Variants in CEP250 observed in about 807,000 individuals in gnomAD.
The protein encoded by CEP250 is centrosomal protein 250.
CEP250 carries 242 observed loss-of-function variants against 315.7 expected under a neutral mutation model. The observed-to-expected ratio is 0.77, with a 90% CI of 0.69 to 0.85. CEP250 has a LOEUF of 0.85. CEP250 is among the 40% of genes least tolerant of loss of function. The pLI is 0.00. For missense variants in CEP250, 2,515 were observed against 2,886.4 expected, an observed-to-expected ratio of 0.87 and a Z score of 2.95; for synonymous variants, 1,088 against 1,175.0, an observed-to-expected ratio of 0.93 and a Z score of 1.51.
At position 35,504,977 on chromosome 20, in the gene CEP250, A is replaced by C; in HGVS notation, c.6608A>C (p.Glu2203Ala). ...ATGTTCCTACAAGCCTCTGTCCTGG[A>C]GCGGGACTCAGAACAGCAAAGGCTG... ...VAMFLQASVL[E>A]RDSEQQRLQD... Residue 2203 changes from glutamate to alanine, a missense_variant, in exon 30 of 35, where the codon GAG becomes GCG. Physicochemically the swap from Glu to Ala is moderately radical, Grantham distance 107 (BLOSUM62 -1). Transcript: ENST00000397527. 1.2e-6 allele frequency: 2 copies of C among 1,611,340 alleles called. No homozygotes were observed. The highest frequency in any genetic ancestry group is 1.1e-5 in the South Asian group (1 of 90,970).
Position 35,504,136 on chromosome 20 carries a change from G to A in CEP250, c.5767G>A (p.Ala1923Thr). The A allele has an allele frequency of 6.2e-7, 1 of 1,614,016 alleles. No individual in the cohort carries two copies. The highest frequency in any genetic ancestry group is 8.5e-7 in the Non-Finnish European group (1 of 1,179,950). ...ACAGGAGCATGAGGTGGAGACCAGGGCCCTGCAGGACAGCTGGCTGCAGGC... is the reference window on the plus strand; with the variant it reads ...ACAGGAGCATGAGGTGGAGACCAGGACCCTGCAGGACAGCTGGCTGCAGGC... ...QAQEHEVETRALQDSWLQAQA... is the reference protein window; with the variant it reads ...QAQEHEVETRTLQDSWLQAQA... Residue 1923 changes from alanine (A) to threonine (T), a missense_variant, in exon 30 of 35, where the codon GCC becomes ACC. By Grantham distance (58) the Ala-to-Thr change is moderately conservative. Coordinates refer to ENST00000397527, the MANE Select transcript of CEP250 (RefSeq NM_007186.6).
chr20:35,481,588 A>G (rs1234674950), intron 20 of CEP250, among the ~76,000 whole-genome samples: 1 of 144,346 alleles, frequency 6.9e-6, no homozygotes, highest in Admixed American at 6.9e-5. Context: ...TGTTCACCAT[A>G]CCTTCTTGCA....
chr20:35,507,406 C>T (rs1213978614), intron 30 of CEP250, among the ~76,000 whole-genome samples: 1 of 152,150 alleles, frequency 6.6e-6, no homozygotes, highest in Non-Finnish European at 1.5e-5. Flanking sequence ...CCACAGGGCA[C>T]CCAGCCCTGT....
intron 20 of CEP250, among the ~76,000 whole-genome samples, chr20:35,489,013 A>G (rs986642505): frequency 6.6e-6 from 1 of 151,896 alleles, no homozygotes. Context: ...TGGTGAAACC[A>G]TGTCTCTACT....
At chr20:35,460,266 T>A in intron 3 of CEP250, among the ~76,000 whole-genome samples, 161 bp downstream of exon 3, 1 of 152,226 alleles carries the variant, frequency 6.6e-6, no homozygotes, top group South Asian at 2.1e-4. Context: ...TTTATGCACT[T>A]TCCTTACTGC....
rs572008287 is a variant in CEP250, at chr20:35,460,851, C to T, written c.-104+746C>T. Among the ~76,000 whole-genome samples the T allele has an allele frequency of 2.6e-5, 4 of 152,348 alleles. No individual in the cohort carries two copies. In the East Asian group the frequency reaches 7.7e-4, roughly 29 times the overall value. On this transcript the variant is annotated intron_variant, in intron 3 of 34. Transcript: ENST00000397527. ...AGTGAGGCTCACATGCATTTCTTCA[C>T]TGGACATTGTTGACAAGTTACAATT...
chr20:35,481,742 G>A (rs905545471), intron 20 of CEP250, among the ~76,000 whole-genome samples: 6 of 151,280 alleles, frequency 4.0e-5, no homozygotes, highest in South Asian at 2.1e-4. Context: ...TCACTCTGTC[G>A]CCTAGACTGG....
intron 20 of CEP250, among the ~76,000 whole-genome samples, chr20:35,488,792 A>G (rs1396426232): frequency 2.0e-5 from 3 of 152,278 alleles, no homozygotes; most frequent in African/African-American, 2.4e-5. Flanking sequence ...TGGTCTGGGA[A>G]GGCTTCACCA....
At chr20:35,473,824 T>G in intron 13 of CEP250, 46 bp from the exon 14 acceptor site, 1 of 1,524,702 alleles carries the variant, frequency 6.6e-7, no homozygotes, top group Non-Finnish European at 8.8e-7. Context: ...CCAGAAAGAA[T>G]TTTAGGTCCT....
rs764980962 is a variant in CEP250, at chr20:35,491,286, T to C, written c.2829T>C (p.Asp943=). Residue 943 remains aspartate, a synonymous_variant, in exon 22 of 35, where the codon GAT becomes GAC. Coordinates refer to ENST00000397527, the MANE Select transcript of CEP250 (RefSeq NM_007186.6). ...TLLQTQKELA[D]ASQQLERLRQ... is the part of the protein sequence containing the mutation. ...TGCAGACGCAGAAGGAGCTAGCAGA[T>C]GCCAGCCAACAACTGGAACGACTGA... The C allele has an allele frequency of 6.2e-5, 100 of 1,605,538 alleles. No homozygotes were observed. Among genetic ancestry groups the C allele is most frequent in the Non-Finnish European group, 8.1e-5 (95 of 1,175,734 alleles).
At position 35,479,962 on chromosome 20, in the gene CEP250, C is replaced by G; in HGVS notation, c.2417-14C>G. 1.9e-6 allele frequency: 3 copies of G among 1,612,724 alleles called. No individual in the cohort carries two copies. The highest frequency in any genetic ancestry group is 1.7e-4 in the Middle Eastern group (1 of 5,854). On this transcript the variant is annotated splice_polypyrimidine_tract_variant and intron_variant, in intron 19 of 34. Transcript: ENST00000397527. The stretch of plus-strand genomic sequence containing the variant: ...GGAGGGGGCGGAGGCCTGATCCTGT[C>G]CCTGGCATGTTAGGGGAAGTGAGGT...
Position 35,504,393 on chromosome 20 carries a change from C to A in CEP250, c.6024C>A (p.Cys2008Ter), listed in dbSNP as rs747299950. ...CCCTGCAAGCCTCCCTGGATGCCTG[C>A]CAGGCACACAGTCGGCAGCTGGAGG... ...TATLQASLDA[C>*]QAHSRQLEEA... Residue 2008 changes from cysteine (C) to a stop codon, truncating the protein, a stop_gained, in exon 30 of 35, where the codon TGC becomes TGA. Transcript: ENST00000397527. LOFTEE classifies it high-confidence loss of function. 1.9e-6 allele frequency: 3 copies of A among 1,603,696 alleles called. No individual in the cohort carries two copies. The South Asian group carries it at 3.4e-5, about 18-fold the overall frequency.
intron 9 of CEP250, among the ~76,000 whole-genome samples, chr20:35,468,689 T>G (rs2062951595): frequency 6.6e-6 from 1 of 152,176 alleles, no homozygotes; most frequent in South Asian, 2.1e-4. Context: ...GTTTCTTTGT[T>G]TTTTGAGACA....
intron 10 of CEP250, 66 bp downstream of exon 10, chr20:35,470,052 C>T (rs753270421): frequency 1.0e-6 from 1 of 1,000,222 alleles, no homozygotes; most frequent in Non-Finnish European, 1.6e-6. Context: ...GCTTTATGGA[C>T]AGATAGTGCA....
chr20:35,491,321 T>A lies in CEP250; in HGVS notation c.2864T>A (p.Met955Lys), dbSNP rs1397101801. 1 of 1,596,830 alleles carries A rather than the reference T, an allele frequency of 6.3e-7. No homozygotes were observed. Among genetic ancestry groups the A allele is most frequent in the South Asian group, 1.1e-5 (1 of 88,430 alleles). The change falls in exon 22 of 35, where the codon ATG (methionine) becomes AAG (lysine). Residue 955 changes from methionine (M) to lysine (K), a missense_variant. Transcript: ENST00000397527. ...SQQLERLRQD[M>K]KVQKLKEQET... ...CAACTGGAACGACTGAGGCAGGACA[T>A]GAAAGTCCAGAAATTAAAGGAGCAG...
rs1193382455 is a variant in CEP250, at chr20:35,463,649, C to A, written c.243+18C>A. ...CCACTGGAGTGAGTGAGGCTGAGCT[C>A]TCTGCACCCCCTGGGTCCTCAGTGA... On this transcript the variant is annotated intron_variant, in intron 5 of 34. Coordinates refer to ENST00000397527, the MANE Select transcript of CEP250 (RefSeq NM_007186.6). 2 of 1,595,720 alleles carry A rather than the reference C, an allele frequency of 1.3e-6. No individual in the cohort carries two copies. Among genetic ancestry groups the A allele is most frequent in the African/African-American group, 1.4e-5 (1 of 73,850 alleles).
rs1450736453 is a variant in CEP250 at position 35,475,609 on chromosome 20, G to A, written c.1679G>A (p.Arg560Lys). ...AGTCACCTGGAAGGGGAGTTACTGA[G>A]GCAAGAGCAAACGGAAGTGACCGCA... ...ESSHLEGELL[R>K]QEQTEVTAAL... is the part of the protein sequence containing the mutation. Residue 560 changes from arginine to lysine, a missense_variant, in exon 15 of 35, where the codon AGG (arginine) becomes AAG (lysine). Arg to Lys is a conservative substitution (Grantham distance 26). Coordinates refer to ENST00000397527, the MANE Select transcript of CEP250 (RefSeq NM_007186.6). 4.3e-6 allele frequency: 7 copies of A among 1,614,002 alleles called. No individual in the cohort carries two copies. Among genetic ancestry groups the A allele is most frequent in the Non-Finnish European group, 5.9e-6 (7 of 1,180,042 alleles).
In CEP250 at chr20:35,504,400, C is replaced by T; in HGVS notation, c.6031C>T (p.His2011Tyr). The change falls in exon 30 of 35, where the codon CAC (histidine) becomes TAC (tyrosine). Residue 2011 changes from histidine (H) to tyrosine (Y), a missense_variant. Transcript: ENST00000397527. ...AGCCTCCCTGGATGCCTGCCAGGCA[C>T]ACAGTCGGCAGCTGGAGGAGGCTCT... Reference protein sequence around the residue: ...LQASLDACQAHSRQLEEALRI... With the variant: ...LQASLDACQAYSRQLEEALRI... 1 of 1,604,950 alleles carries T rather than the reference C, an allele frequency of 6.2e-7. No homozygotes were observed. The highest frequency in any genetic ancestry group is 1.1e-5 in the South Asian group (1 of 89,488).
At chr20:35,470,128 G>T in intron 10 of CEP250, 142 bp downstream of exon 10, 1 of 633,632 alleles carries the variant, frequency 1.6e-6, no homozygotes, top group Admixed American at 2.9e-5. Context: ...GGCTGAATCT[G>T]AAAATTAATT....
Sources: gnomAD v4.1 joint callset for allele counts (sites outside exome capture counted in the v4.1 genomes callset) on GRCh38, gnomAD v4.1.1 for gene constraint, MANE v1.5 for transcripts, NCBI Gene and HGNC (gene_info 2026-07-23, HGNC 2026-07-21) for gene names.